INHBE: variants seen among roughly 807,000 people sequenced by gnomAD.
INHBE encodes inhibin subunit beta E.
INHBE carries 19 observed loss-of-function variants against 27.8 expected under a neutral mutation model. The observed-to-expected ratio is 0.68, with a 90% CI of 0.48 to 1.00. The LOEUF (loss-of-function observed/expected upper bound fraction) is 1.00. Ranked by LOEUF, INHBE falls within the 50% of genes least tolerant of loss-of-function variation. The pLI is 0.00. For synonymous variants in INHBE, 196 were observed against 187.2 expected (o/e 1.05, Z -0.38); for missense variants, 398 against 433.9 (o/e 0.92, Z 0.73).
chr12:57,455,966 G>A (rs1312842627), intron 1 of INHBE, 128 bp from the exon 2 acceptor site: 5 of 1,378,876 alleles, frequency 3.6e-6, no homozygotes, highest in Admixed American at 3.8e-5. Flanking sequence ...TGGTTGCAGA[G>A]GACACAAAGC....
Position 57,456,169 on chromosome 12 carries a change from G to T in INHBE, c.374G>T (p.Arg125Leu), listed in dbSNP as rs776849363. ...TPRSHHLYHA[R>L]LWLHVLPTLP... ...CGGTCCCACCACCTGTACCATGCCC[G>T]CCTGTGGCTGCACGTGCTCCCCACC... Residue 125 changes from arginine to leucine, a missense_variant, in exon 2 of 2, where the codon CGC becomes CTC. Physicochemically the swap from Arg to Leu is moderately radical, Grantham distance 102. Coordinates refer to ENST00000266646, the MANE Select transcript of INHBE (RefSeq NM_031479.5). 6.2e-7 allele frequency: 1 copy of T among 1,614,028 alleles called. No individual in the cohort carries two copies. Among genetic ancestry groups the T allele is most frequent in the Non-Finnish European group, 8.5e-7 (1 of 1,180,010 alleles).
chr12:57,455,412 G>T lies in INHBE; in HGVS notation c.-125G>T. 3.4e-6 allele frequency: 3 copies of T among 881,924 alleles called. No individual in the cohort carries two copies. The highest frequency in any genetic ancestry group is 5.3e-6 in the Non-Finnish European group (3 of 571,174). 54.6% of individuals were successfully genotyped at this position (881,924 alleles called of 1,614,324 possible). A position where few individuals can be genotyped will look rare whatever the true frequency, so the allele number is the denominator to read the frequency against. The stretch of plus-strand genomic sequence containing the variant: ...ATAGAAGACAGGTGGCTGTACCCTT[G>T]GCCAAGGGTAGGTGTGGCAGTGGTG... On this transcript the variant is annotated 5_prime_UTR_variant, in exon 1 of 2. Coordinates refer to ENST00000266646, the MANE Select transcript of INHBE (RefSeq NM_031479.5).
At chr12:57,456,068 C>G (rs1870821216) in intron 1 of INHBE, 26 bp from the exon 2 acceptor site, 1 of 1,586,582 alleles carries the variant, frequency 6.3e-7, no homozygotes, top group African/African-American at 1.3e-5. Flanking sequence ...CTCACATTTT[C>G]TTTCCCTTTT....
Position 57,455,475 on chromosome 12 carries a change from A to C in INHBE, c.-62A>C. 6.6e-7 allele frequency: 1 copy of C among 1,512,116 alleles called. No individual in the cohort carries two copies. The highest frequency in any genetic ancestry group is 8.9e-7 in the Non-Finnish European group (1 of 1,118,998). The allele number at this position is 1,512,116 out of a possible 1,614,324, so 93.7% of individuals were successfully genotyped here. ...GTGCCCTCATTGGCCCCCAGCAATC[A>C]GACTCAACAGACGGAGCAACTGCCA... is the stretch of plus-strand genomic sequence containing the variant. On this transcript the variant is annotated 5_prime_UTR_variant, in exon 1 of 2. Transcript: ENST00000266646.
Position 57,455,429 on chromosome 12 carries a change from G to T in INHBE, c.-108G>T, listed in dbSNP as rs1870801026. On this transcript the variant is annotated 5_prime_UTR_variant, in exon 1 of 2. Coordinates refer to ENST00000266646, the MANE Select transcript of INHBE (RefSeq NM_031479.5). ...GTACCCTTGGCCAAGGGTAGGTGTG[G>T]CAGTGGTGTCTGCTGTCACTGTGCC... 1 of 1,076,376 alleles carries T rather than the reference G, an allele frequency of 9.3e-7. No individual in the cohort carries two copies. Among genetic ancestry groups the T allele is most frequent in the Admixed American group, 2.1e-5 (1 of 46,814 alleles). The allele number at this position is 1,076,376 out of a possible 1,614,324, so 66.7% of individuals were successfully genotyped here. A position where few individuals can be genotyped will look rare whatever the true frequency, so the allele number is the denominator to read the frequency against.
rs765680032 is a variant in INHBE, at chr12:57,457,961, GA to G, written c.*1114del. On this transcript the variant is annotated 3_prime_UTR_variant, in exon 2 of 2. Transcript: ENST00000266646. The stretch of plus-strand genomic sequence containing the variant: ...TAAAATTGTATTGTGGAGTTTTCCA[GA>G]GGCCGTGTGACATGTGATTACATCA... 13 of 152,164 alleles carry G rather than the reference GA, an allele frequency of 8.5e-5. No homozygotes were observed. Among genetic ancestry groups the G allele is most frequent in the Non-Finnish European group, 1.9e-4 (13 of 68,026 alleles). 9.4% of individuals were successfully genotyped at this position (152,164 alleles called of 1,614,324 possible). A position where few individuals can be genotyped will look rare whatever the true frequency, so the allele number is the denominator to read the frequency against.
In INHBE at chr12:57,456,373, G is replaced by A. The variant is rs753383590; in HGVS notation, c.578G>A (p.Arg193Lys). ...SGVLKLQLDC[R>K]PLEGNSTVTG... Reference sequence around the variant, plus strand: ...GTCCTGAAACTGCAACTAGACTGCAGACCCCTAGAAGGCAACAGCACAGTT... The same window carrying A: ...GTCCTGAAACTGCAACTAGACTGCAAACCCCTAGAAGGCAACAGCACAGTT... The change falls in exon 2 of 2, where the codon AGA becomes AAA. Residue 193 changes from arginine to lysine, a missense_variant. Arg to Lys is a conservative substitution (Grantham distance 26). Coordinates refer to ENST00000266646, the MANE Select transcript of INHBE (RefSeq NM_031479.5). 1 of 1,614,128 alleles carries A rather than the reference G, an allele frequency of 6.2e-7. No individual in the cohort carries two copies. The highest frequency in any genetic ancestry group is 1.7e-5 in the Admixed American group (1 of 60,014).
Position 57,456,262 on chromosome 12 carries a change from C to T in INHBE, c.467C>T (p.Thr156Ile), listed in dbSNP as rs760139496. ...AGGAGGAGGCGCCAAGGGTCCCGCA[C>T]TCTCCTGGCTGAGCACCACATCACC... ...GPRRRRQGSR[T>I]LLAEHHITNL... is the part of the protein sequence containing the mutation. The change falls in exon 2 of 2, where the codon ACT (threonine) becomes ATT (isoleucine). Residue 156 changes from threonine (T) to isoleucine (I), a missense_variant. Thr to Ile is a moderately conservative substitution (Grantham distance 89). Transcript: ENST00000266646. 6.2e-7 allele frequency: 1 copy of T among 1,614,074 alleles called. No individual in the cohort carries two copies. Among genetic ancestry groups the T allele is most frequent in the South Asian group, 1.1e-5 (1 of 91,088 alleles).
rs182728339 is a variant in INHBE, at chr12:57,455,361, C to T, written c.-176C>T. On this transcript the variant is annotated 5_prime_UTR_variant, in exon 1 of 2. Transcript: ENST00000266646. ...GCACAGCTATCCATCAGATGATCTA[C>T]TTTCAGCCTTCCTGAGTCCCAGACA... is the stretch of plus-strand genomic sequence containing the variant. The T allele has an allele frequency of 4.8e-6, 3 of 620,452 alleles. No homozygotes were observed. The highest frequency in any genetic ancestry group is 3.7e-5 in the African/African-American group (2 of 54,590). The allele number at this position is 620,452 out of a possible 1,614,324, so 38.4% of individuals were successfully genotyped here. A position where few individuals can be genotyped will look rare whatever the true frequency, so the allele number is the denominator to read the frequency against.
Position 57,457,518 on chromosome 12 carries a change from T to C in INHBE, c.*670T>C, listed in dbSNP as rs184450651. ...CAGGCTGGAGTGCAGTGACACGATC[T>C]TGGCTCACTGCAACCTCCGTCTCCT... On this transcript the variant is annotated 3_prime_UTR_variant, in exon 2 of 2. Coordinates refer to ENST00000266646, the MANE Select transcript of INHBE (RefSeq NM_031479.5). 6.5e-3 allele frequency: 992 copies of C among 152,336 alleles called. 6 individuals are homozygous for C. The highest frequency in any genetic ancestry group is 9.5e-3 in the Non-Finnish European group (647 of 68,042). The allele number at this position is 152,336 out of a possible 1,614,324, so 9.4% of individuals were successfully genotyped here.
rs1268648159 is a variant in INHBE at position 57,458,015 on chromosome 12, G to T, written c.*1167G>T. The T allele has an allele frequency of 6.6e-6, 1 of 152,186 alleles. No individual in the cohort carries two copies. Among genetic ancestry groups the T allele is most frequent in the Non-Finnish European group, 1.5e-5 (1 of 68,048 alleles). The allele number at this position is 152,186 out of a possible 1,614,324, so 9.4% of individuals were successfully genotyped here. A position where few individuals can be genotyped will look rare whatever the true frequency, so the allele number is the denominator to read the frequency against. ...TTTCTGACATCATTGTTAATGGAAT[G>T]TGTGCTTGTATGGTCTTGTGTTACA... On this transcript the variant is annotated 3_prime_UTR_variant, in exon 2 of 2. Coordinates refer to ENST00000266646, the MANE Select transcript of INHBE (RefSeq NM_031479.5).
rs530613424 is a variant in INHBE, at chr12:57,457,116, C to G, written c.*268C>G. The G allele has an allele frequency of 1.3e-5, 5 of 390,266 alleles. No homozygotes were observed. The East Asian group carries it at 2.3e-4, about 18-fold the overall frequency. The allele number at this position is 390,266 out of a possible 1,614,324, so 24.2% of individuals were successfully genotyped here. ...GAAAGCATGATTTCCTGCCCTAAGT[C>G]CTGTGAGAAGATGTCAGGGACTAGG... On this transcript the variant is annotated 3_prime_UTR_variant, in exon 2 of 2. Coordinates refer to ENST00000266646, the MANE Select transcript of INHBE (RefSeq NM_031479.5).
In INHBE at chr12:57,456,492, G is replaced by A; in HGVS notation, c.697G>A (p.Ala233Thr). Residue 233 changes from alanine (A) to threonine (T), a missense_variant, in exon 2 of 2, where the codon GCC becomes ACC. Coordinates refer to ENST00000266646, the MANE Select transcript of INHBE (RefSeq NM_031479.5). Reference sequence around the variant, plus strand: ...AGCCAATGAGCCTGGAGCAGGCCGGGCCAGGAGGAGGACCCCCACCTGTGA... The same window carrying A: ...AGCCAATGAGCCTGGAGCAGGCCGGACCAGGAGGAGGACCCCCACCTGTGA... ...IRANEPGAGR[A>T]RRRTPTCEPA... 1 of 1,614,114 alleles carries A rather than the reference G, an allele frequency of 6.2e-7. No homozygotes were observed. The highest frequency in any genetic ancestry group is 8.5e-7 in the Non-Finnish European group (1 of 1,180,010).
Position 57,456,144 on chromosome 12 carries a change from C to G in INHBE, c.349C>G (p.Arg117Gly). Reference protein sequence around the residue: ...SLLTFHLSTPRSHHLYHARLW... With the variant: ...SLLTFHLSTPGSHHLYHARLW... ...GCTCACTTTTCACCTGTCCACTCCT[C>G]GGTCCCACCACCTGTACCATGCCCG... Residue 117 changes from arginine to glycine, a missense_variant, in exon 2 of 2, where the codon CGG becomes GGG. Coordinates refer to ENST00000266646, the MANE Select transcript of INHBE (RefSeq NM_031479.5). The G allele has an allele frequency of 6.2e-7, 1 of 1,613,978 alleles. No individual in the cohort carries two copies. The highest frequency in any genetic ancestry group is 8.5e-7 in the Non-Finnish European group (1 of 1,179,934).
At position 57,455,399 on chromosome 12, in the gene INHBE, T is replaced by C; in HGVS notation, c.-138T>C. The stretch of plus-strand genomic sequence containing the variant: ...TGAGTCCCAGACAATAGAAGACAGG[T>C]GGCTGTACCCTTGGCCAAGGGTAGG... On this transcript the variant is annotated 5_prime_UTR_variant, in exon 1 of 2. Transcript: ENST00000266646. 1.4e-6 allele frequency: 1 copy of C among 731,432 alleles called. No homozygotes were observed. The allele number at this position is 731,432 out of a possible 1,614,324, so 45.3% of individuals were successfully genotyped here.
chr12:57,456,985 C>A lies in INHBE; in HGVS notation c.*137C>A. On this transcript the variant is annotated 3_prime_UTR_variant, in exon 2 of 2. Coordinates refer to ENST00000266646, the MANE Select transcript of INHBE (RefSeq NM_031479.5). ...CCTGGCAATATGACTCACTTGACCC[C>A]TATGGGACCCAAATGGGCACTTTCT... The A allele has an allele frequency of 1.0e-6, 1 of 957,384 alleles. No homozygotes were observed. Among genetic ancestry groups the A allele is most frequent in the Non-Finnish European group, 1.5e-6 (1 of 652,310 alleles). 59.3% of individuals were successfully genotyped at this position (957,384 alleles called of 1,614,324 possible).
Position 57,456,945 on chromosome 12 carries a change from C to T in INHBE, c.*97C>T. 1 of 1,373,296 alleles carries T rather than the reference C, an allele frequency of 7.3e-7. No individual in the cohort carries two copies. The highest frequency in any genetic ancestry group is 2.3e-5 in the East Asian group (1 of 43,374). 85.1% of individuals were successfully genotyped at this position (1,373,296 alleles called of 1,614,324 possible). A position where few individuals can be genotyped will look rare whatever the true frequency, so the allele number is the denominator to read the frequency against. ...AGGCATCAGATTCCTGATCCACACC[C>T]CAACCCAACAACCACCTGGCAATAT... is the stretch of plus-strand genomic sequence containing the variant. On this transcript the variant is annotated 3_prime_UTR_variant, in exon 2 of 2. Coordinates refer to ENST00000266646, the MANE Select transcript of INHBE (RefSeq NM_031479.5).
At chr12:57,455,865 G>A in intron 1 of INHBE, 31 bp downstream of exon 1, 1 of 1,599,756 alleles carries the variant, frequency 6.3e-7, no homozygotes. Context: ...CAGGCAAAGA[G>A]CAGACAGGGA....
Position 57,455,776 on chromosome 12 carries a change from G to A in INHBE, c.240G>A (p.Gln80=). Residue 80 remains glutamine, a synonymous_variant, in exon 1 of 2, where the codon CAG becomes CAA. Transcript: ENST00000266646. ...AALTRALRRL[Q]PGSVAPGNGE... ...TGACCAGAGCCCTCCGGAGACTACA[G>A]CCAGGGAGTGTGGCTCCAGGGAATG... The A allele has an allele frequency of 2.5e-6, 4 of 1,614,084 alleles. No individual in the cohort carries two copies. The highest frequency in any genetic ancestry group is 2.5e-6 in the Non-Finnish European group (3 of 1,179,968).
Sources: allele counts gnomAD v4.1 joint callset, GRCh38; gene constraint gnomAD v4.1.1; transcripts MANE v1.5; gene names NCBI Gene and HGNC (gene_info 2026-07-23, HGNC 2026-07-21).